PRKCE: variants seen among roughly 807,000 people sequenced by gnomAD.
The protein encoded by PRKCE is protein kinase C epsilon type.
PRKCE carries 16 observed loss-of-function variants against 85.4 expected under a neutral mutation model. The observed-to-expected ratio is 0.19, with a 90% CI of 0.13 to 0.28. PRKCE has a LOEUF of 0.28. Among genes scored for constraint, PRKCE ranks in the 10% least tolerant of loss-of-function variants. The pLI is 1.00. For missense variants in PRKCE, 573 were observed against 975.2 expected (o/e 0.59, Z 5.49); for synonymous variants, 388 against 371.5 (o/e 1.04, Z -0.51).
intron 6 of PRKCE, among the ~76,000 whole-genome samples, chr2:45,989,438 G>A (rs564149848): frequency 6.6e-6 from 1 of 152,182 alleles, no homozygotes; most frequent in African/African-American, 2.4e-5. Context: ...AGCTGTCCTG[G>A]TTTGGGTACT....
chr2:46,005,932 G>T (rs1037978525), intron 8 of PRKCE, among the ~76,000 whole-genome samples: 3 of 152,142 alleles, frequency 2.0e-5, no homozygotes, highest in African/African-American at 7.2e-5. Flanking sequence ...ATCCCCTTTG[G>T]GAGCTTCAGG....
intron 10 of PRKCE, among the ~76,000 whole-genome samples, chr2:46,060,837 T>C (rs6544871): frequency 0.42 from 63,171 of 150,932 alleles, 14,034 homozygotes; most frequent in African/African-American, 0.56. Flanking sequence ...TATCAGCTCA[T>C]TGCAACCTCT....
At chr2:45,958,513 A>G (rs1200821290) in intron 2 of PRKCE, among the ~76,000 whole-genome samples, 2 of 149,648 alleles carry the variant, frequency 1.3e-5, no homozygotes, top group Non-Finnish European at 3.0e-5. Flanking sequence ...TGTCTCAAAA[A>G]AAAAAAAAAA....
intron 13 of PRKCE, among the ~76,000 whole-genome samples, chr2:46,157,714 C>A (rs1677353665): frequency 1.3e-5 from 2 of 152,208 alleles, no homozygotes. Flanking sequence ...ATGCCCAAAC[C>A]TCTATGTGTA....
At chr2:46,108,707 A>C (rs1378619509) in intron 11 of PRKCE, among the ~76,000 whole-genome samples, 1 of 152,216 alleles carries the variant, frequency 6.6e-6, no homozygotes, top group East Asian at 1.9e-4. Flanking sequence ...ATAAAGTCCA[A>C]CTGATCAATT....
intron 1 of PRKCE, among the ~76,000 whole-genome samples, chr2:45,792,010 T>C (rs1454229070): frequency 6.6e-6 from 1 of 152,248 alleles, no homozygotes; most frequent in Admixed American, 6.5e-5. Flanking sequence ...CCATTTAGTG[T>C]TACTCTAACA....
At position 46,007,514 on chromosome 2, in the gene PRKCE, A is replaced by C. The variant is rs374151145; in HGVS notation, c.1116A>C (p.Arg372=). The stretch of plus-strand genomic sequence containing the variant: ...GGAAAGCCTTGTCATTTGACAACCG[A>C]GGAGAGGAGCACCGGGCAGCATCGT... ...NIRKALSFDN[R]GEEHRAASSP... The change falls in exon 9 of 15, where the codon CGA becomes CGC. Residue 372 remains arginine (R), a synonymous_variant. Coordinates refer to ENST00000306156, the MANE Select transcript of PRKCE (RefSeq NM_005400.3). The C allele has an allele frequency of 7.1e-5, 113 of 1,599,656 alleles. No homozygotes were observed. Among genetic ancestry groups the C allele is most frequent in the Non-Finnish European group, 8.3e-5 (98 of 1,179,954 alleles).
intron 2 of PRKCE, among the ~76,000 whole-genome samples, chr2:45,892,964 C>T (rs189164059): frequency 5.9e-5 from 9 of 152,288 alleles, no homozygotes; most frequent in South Asian, 2.1e-4. Flanking sequence ...GGGAATTCAC[C>T]GTGAAAGTCA....
At chr2:45,930,819 G>A (rs1467583436) in intron 2 of PRKCE, among the ~76,000 whole-genome samples, 3 of 152,116 alleles carry the variant, frequency 2.0e-5, no homozygotes, top group African/African-American at 7.2e-5. Context: ...GTTTCGAGGA[G>A]ATAAGAAGCT....
intron 1 of PRKCE, among the ~76,000 whole-genome samples, chr2:45,654,460 A>C (rs899539421): frequency 5.3e-5 from 8 of 152,162 alleles, no homozygotes; most frequent in African/African-American, 1.9e-4. Flanking sequence ...CTAGTTGGGG[A>C]CCGAGGGTCA....
intron 1 of PRKCE, among the ~76,000 whole-genome samples, chr2:45,663,660 G>C (rs923018614): frequency 2.6e-5 from 4 of 152,188 alleles, no homozygotes; most frequent in African/African-American, 9.7e-5. Context: ...GCAGGCACCT[G>C]TAGTTCCAGC....
chr2:45,800,810 C>T (rs189053479), intron 1 of PRKCE, among the ~76,000 whole-genome samples: 85 of 152,346 alleles, frequency 5.6e-4, no homozygotes, highest in African/African-American at 2.0e-3. Context: ...CTAATTATCT[C>T]CTATGCACCA....
At chr2:46,009,919 G>A (rs1645020784) in intron 9 of PRKCE, among the ~76,000 whole-genome samples, 1 of 152,194 alleles carries the variant, frequency 6.6e-6, no homozygotes, top group Non-Finnish European at 1.5e-5. Context: ...TACTGTAATT[G>A]TAAGTATGAC....
At position 46,086,333 on chromosome 2, in the gene PRKCE, G is replaced by A. The variant is rs1669636160; in HGVS notation, c.1563G>A (p.Met521Ile). The change falls in exon 11 of 15, where the codon ATG becomes ATA. Residue 521 changes from methionine (M) to isoleucine (I), a missense_variant. By Grantham distance (10) the Met-to-Ile change is conservative. Coordinates refer to ENST00000306156, the MANE Select transcript of PRKCE (RefSeq NM_005400.3). ...FYAAEVTSAL[M>I]FLHQHGVIYR... ...CTGCAGAGGTCACATCGGCCCTCAT[G>A]TTCCTCCACCAGCATGGAGTCATCT... 6.3e-7 allele frequency: 1 copy of A among 1,599,462 alleles called. No homozygotes were observed. Among genetic ancestry groups the A allele is most frequent in the South Asian group, 1.1e-5 (1 of 91,074 alleles).
At chr2:45,698,629 G>A (rs980184982) in intron 1 of PRKCE, among the ~76,000 whole-genome samples, 3 of 152,022 alleles carry the variant, frequency 2.0e-5, no homozygotes, top group Non-Finnish European at 4.4e-5. Context: ...AGAGGGGGAG[G>A]GGTGTCAGCA....
At chr2:45,857,125 G>C (rs1241642982) in intron 2 of PRKCE, among the ~76,000 whole-genome samples, 1 of 152,154 alleles carries the variant, frequency 6.6e-6, no homozygotes, top group Non-Finnish European at 1.5e-5. Context: ...AAGAGCTTTT[G>C]TACTGCTTTC....
At chr2:45,780,738 G>T (rs1285199248) in intron 1 of PRKCE, among the ~76,000 whole-genome samples, 1 of 152,222 alleles carries the variant, frequency 6.6e-6, no homozygotes, top group East Asian at 1.9e-4. Context: ...AGCCAGGGTT[G>T]CTCAGTAACT....
At chr2:46,054,680 A>G (rs902012008) in intron 10 of PRKCE, among the ~76,000 whole-genome samples, 1 of 152,228 alleles carries the variant, frequency 6.6e-6, no homozygotes, top group African/African-American at 2.4e-5. Context: ...AGAAGAGGGC[A>G]GGTCCCCAGC....
At chr2:45,968,789 G>C (rs1340523343) in intron 2 of PRKCE, among the ~76,000 whole-genome samples, 1 of 152,094 alleles carries the variant, frequency 6.6e-6, no homozygotes, top group African/African-American at 2.4e-5. Flanking sequence ...GTGGGTAAGA[G>C]AAAGGACAGT....
Sources: gnomAD v4.1 joint callset for allele counts (sites outside exome capture counted in the v4.1 genomes callset) on GRCh38, gnomAD v4.1.1 for gene constraint, MANE v1.5 for transcripts, NCBI Gene and HGNC (gene_info 2026-07-23, HGNC 2026-07-21) for gene names.